Variants in PCDH15 observed in about 807,000 individuals in gnomAD.
PCDH15 encodes the protein protocadherin-15.
PCDH15 carries 129 observed loss-of-function variants against 178.5 expected under a neutral mutation model. The observed-to-expected ratio is 0.72, with a 90% CI of 0.63 to 0.84. The LOEUF (loss-of-function observed/expected upper bound fraction) is 0.84, where lower values mean the gene tolerates loss of function less well. Ranked by LOEUF, PCDH15 falls within the 40% of genes least tolerant of loss-of-function variation. The probability of loss-of-function intolerance (pLI) is 0.00; values close to 1 mark genes in which losing one functional copy is unlikely to be tolerated. For missense variants in PCDH15, 2,230 were observed against 2,099.9 expected, an observed-to-expected ratio of 1.06 and a Z score of -1.21; for synonymous variants, 800 against 732.0, an observed-to-expected ratio of 1.09 and a Z score of -1.50.
chr10:55,188,772 G>T (rs1839867877), intron 1 of PCDH15, among the ~76,000 whole-genome samples: 2 of 151,170 alleles, frequency 1.3e-5, no homozygotes, highest in South Asian at 4.1e-4. Flanking sequence ...TTACATACAT[G>T]TGTATATATA....
intron 6 of PCDH15, among the ~76,000 whole-genome samples, chr10:54,335,398 A>G (rs560996681): frequency 3.4e-4 from 52 of 152,342 alleles, no homozygotes; most frequent in African/African-American, 1.2e-3. Context: ...TCAAAGCATC[A>G]CAGGATCTTC....
intron 3 of PCDH15, among the ~76,000 whole-genome samples, chr10:54,469,642 C>G (rs917208899): frequency 1.3e-5 from 2 of 152,162 alleles, no homozygotes; most frequent in Non-Finnish European, 2.9e-5. Context: ...CATACACTAG[C>G]ACTGGTGTCA....
chr10:55,328,392 C>A (rs1844092042), intron 2 of PCDH15, among the ~76,000 whole-genome samples: 1 of 151,804 alleles, frequency 6.6e-6, no homozygotes, highest in South Asian at 2.1e-4. Context: ...TAGTCTATTG[C>A]TCCTAGGCTA....
chr10:55,616,519 C>CAAAAAA (rs34005780), intron 2 of PCDH15, among the ~76,000 whole-genome samples: 1 of 127,488 alleles, frequency 7.8e-6, no homozygotes. Flanking sequence ...CTGAAATTAG[C>CAAAAAA]AAAAAAAAAA....
intron 6 of PCDH15, among the ~76,000 whole-genome samples, chr10:54,339,572 GA>G (rs1178217802): frequency 1.3e-5 from 2 of 152,098 alleles, no homozygotes; most frequent in Non-Finnish European, 2.9e-5. Context: ...TTATACAAAA[GA>G]AAGAAGAATG....
chr10:55,546,515 G>T (rs2132082266), intron 2 of PCDH15, among the ~76,000 whole-genome samples: 1 of 151,994 alleles, frequency 6.6e-6, no homozygotes, highest in East Asian at 1.9e-4. Flanking sequence ...TGTTTACAGG[G>T]GGCAAATGTA....
chr10:54,209,457 A>G (rs1385619150), intron 10 of PCDH15, among the ~76,000 whole-genome samples: 1 of 152,076 alleles, frequency 6.6e-6, no homozygotes, highest in Non-Finnish European at 1.5e-5. Flanking sequence ...AAGGGATTCT[A>G]TGAGTGACTG....
intron 20 of PCDH15, among the ~76,000 whole-genome samples, chr10:54,017,277 G>C (rs2092769789): frequency 6.6e-6 from 1 of 151,828 alleles, no homozygotes; most frequent in African/African-American, 2.4e-5. Context: ...CACCCACCTT[G>C]GTCTCCCAAA....
intron 21 of PCDH15, among the ~76,000 whole-genome samples, chr10:53,977,228 A>T (rs1309309705): frequency 6.6e-6 from 1 of 152,150 alleles, no homozygotes; most frequent in Non-Finnish European, 1.5e-5. Context: ...TAGACCAAGG[A>T]TGTCCGATCT....
At chr10:54,491,858 T>G (rs1203533170) in intron 3 of PCDH15, among the ~76,000 whole-genome samples, 2 of 152,190 alleles carry the variant, frequency 1.3e-5, no homozygotes, top group Non-Finnish European at 2.9e-5. Context: ...CTGATTCATC[T>G]GCATAATGAA....
At chr10:53,936,752 T>A (rs1049045284) in intron 25 of PCDH15, among the ~76,000 whole-genome samples, 1 of 152,130 alleles carries the variant, frequency 6.6e-6, no homozygotes, top group Non-Finnish European at 1.5e-5. Context: ...GAAGTCACAA[T>A]AAAATACTTC....
At chr10:54,711,616 T>C (rs1372956682) in intron 1 of PCDH15, among the ~76,000 whole-genome samples, 1 of 152,042 alleles carries the variant, frequency 6.6e-6, no homozygotes, top group Admixed American at 6.6e-5. Context: ...TTAAAAATAA[T>C]CACCTTTATA....
chr10:53,988,992 G>GA (rs558989386), intron 21 of PCDH15, among the ~76,000 whole-genome samples: 4 of 152,070 alleles, frequency 2.6e-5, no homozygotes, highest in African/African-American at 9.7e-5. Flanking sequence ...ACATCTATGG[G>GA]AAAAAAATGT....
In PCDH15 at chr10:54,434,985, G is replaced by C. The variant is rs187405043; in HGVS notation, c.158-56043C>G. On this transcript the variant is annotated intron_variant, in intron 3 of 37. Coordinates refer to ENST00000644397, the MANE Select transcript of PCDH15 (RefSeq NM_001384140.1). ...TGAAAATCTCTTCAATAAGAGCATT[G>C]AAACTAGGAAAGGGGTTTAGTGAGA... is the stretch of plus-strand genomic sequence containing the variant. Among the ~76,000 whole-genome samples the C allele has an allele frequency of 1.7e-4, 26 of 152,216 alleles. No individual in the cohort carries two copies. The South Asian group carries it at 2.5e-3, about 15-fold the overall frequency.
chr10:55,016,932 C>T (rs1204847276), intron 2 of PCDH15, among the ~76,000 whole-genome samples: 1 of 150,552 alleles, frequency 6.6e-6, no homozygotes, highest in African/African-American at 2.4e-5. Flanking sequence ...CCCCTGGGCC[C>T]TAATGAGTAA....
chr10:55,491,009 T>C (rs1840400582), intron 2 of PCDH15, among the ~76,000 whole-genome samples: 1 of 151,932 alleles, frequency 6.6e-6, no homozygotes, highest in East Asian at 2.0e-4. Flanking sequence ...TCTAAAATTA[T>C]GTAAAATGTC....
At chr10:54,834,381 G>A (rs576552506) in intron 3 of PCDH15, among the ~76,000 whole-genome samples, 27 of 151,908 alleles carry the variant, frequency 1.8e-4, no homozygotes, top group Non-Finnish European at 3.5e-4. Context: ...GTTTTGCCAC[G>A]TTGGTCAGGC....
chr10:55,596,167 G>T (rs1380797097), intron 2 of PCDH15, among the ~76,000 whole-genome samples: 2 of 152,030 alleles, frequency 1.3e-5, no homozygotes, highest in Non-Finnish European at 2.9e-5. Flanking sequence ...CCACCATATA[G>T]ACACAGCAAA....
chr10:55,355,273 C>G (rs144015249), intron 2 of PCDH15, among the ~76,000 whole-genome samples: 1 of 151,744 alleles, frequency 6.6e-6, no homozygotes, highest in Admixed American at 6.6e-5. Flanking sequence ...AAGTAAATGC[C>G]GAAGATTGGA....
Sources: allele counts gnomAD v4.1 joint callset (sites outside exome capture counted in the v4.1 genomes callset), GRCh38; gene constraint gnomAD v4.1.1; transcripts MANE v1.5; gene names NCBI Gene and HGNC (gene_info 2026-07-23, HGNC 2026-07-21).